The following MAGI3 variants were observed in gnomAD, a reference collection of about 807,000 sequenced individuals.
The protein encoded by MAGI3 is membrane associated guanylate kinase, WW and PDZ domain containing 3, also known as membrane-associated guanylate kinase, WW and PDZ domain-containing protein 3.
In MAGI3, 43 loss-of-function variants were observed where a neutral mutation model predicts 121.8. The ratio of observed to expected loss-of-function variants is 0.35; its 90% CI spans 0.28 to 0.46. MAGI3 has a LOEUF of 0.46. Ranked by LOEUF, MAGI3 falls within the 20% of genes least tolerant of loss-of-function variation. The pLI, the probability that MAGI3 is intolerant of heterozygous loss-of-function variation, is 1.00. For missense variants in MAGI3, 1,547 were observed against 1,797.3 expected (o/e 0.86, Z 2.52); for synonymous variants, 553 against 639.3 (o/e 0.86, Z 2.04).
intron 1 of MAGI3, among the ~76,000 whole-genome samples, chr1:113,410,520 A>G (rs751328614): frequency 5.7e-4 from 86 of 152,184 alleles, no homozygotes; most frequent in Non-Finnish European, 9.4e-4. Context: ...GATCTTGATA[A>G]TGTTACATTG....
intron 6 of MAGI3, among the ~76,000 whole-genome samples, chr1:113,601,140 C>T (rs1002159536): frequency 2.0e-5 from 3 of 151,838 alleles, no homozygotes; most frequent in Non-Finnish European, 4.4e-5. Flanking sequence ...TAGGCAATAC[C>T]ATTCAGGACA....
chr1:113,447,085 A>C (rs1246835508), intron 1 of MAGI3, among the ~76,000 whole-genome samples: 1 of 152,216 alleles, frequency 6.6e-6, no homozygotes, highest in African/African-American at 2.4e-5. Context: ...TGATGGTTGC[A>C]TGATGGTGTG....
intron 1 of MAGI3, among the ~76,000 whole-genome samples, chr1:113,490,488 T>C (rs1656615406): frequency 6.6e-6 from 1 of 151,956 alleles, no homozygotes; most frequent in Admixed American, 6.6e-5. Flanking sequence ...GTCTGAAAAA[T>C]AACCAGGGTC....
At chr1:113,636,285 G>C (rs1652015833) in intron 9 of MAGI3, among the ~76,000 whole-genome samples, 1 of 152,050 alleles carries the variant, frequency 6.6e-6, no homozygotes, top group Admixed American at 6.5e-5. Flanking sequence ...GAATGTGTTT[G>C]CTCTTGCTTT....
At chr1:113,681,064 G>A in intron 19 of MAGI3, 134 bp from the exon 20 acceptor site, 2 of 931,172 alleles carry the variant, frequency 2.1e-6, no homozygotes, top group Admixed American at 2.9e-5. Context: ...TCACATGGCA[G>A]TACTGGGTAC....
intron 1 of MAGI3, among the ~76,000 whole-genome samples, chr1:113,399,966 A>G (rs1189556930): frequency 6.6e-6 from 1 of 152,162 alleles, no homozygotes; most frequent in Non-Finnish European, 1.5e-5. Context: ...GGGCTCCCTA[A>G]TAATACTTTT....
chr1:113,425,927 A>G (rs1430183793), intron 1 of MAGI3, among the ~76,000 whole-genome samples: 1 of 151,138 alleles, frequency 6.6e-6, no homozygotes, highest in Non-Finnish European at 1.5e-5. Flanking sequence ...TTTTATCTTT[A>G]TTTCCTTTCT....
At chr1:113,413,557 G>A (rs1652124247) in intron 1 of MAGI3, among the ~76,000 whole-genome samples, 3 of 152,106 alleles carry the variant, frequency 2.0e-5, no homozygotes, top group Non-Finnish European at 2.9e-5. Flanking sequence ...ATTTCATCGA[G>A]CAGTGGTTTG....
intron 14 of MAGI3, among the ~76,000 whole-genome samples, chr1:113,652,678 A>G (rs1653239430): frequency 1.3e-5 from 2 of 152,216 alleles, no homozygotes; most frequent in African/African-American, 4.8e-5. Flanking sequence ...AAAGAAAAAA[A>G]CATATTCTTA....
At chr1:113,647,982 G>A (rs1287119559) in intron 12 of MAGI3, among the ~76,000 whole-genome samples, 2 of 151,400 alleles carry the variant, frequency 1.3e-5, no homozygotes, top group Non-Finnish European at 2.9e-5. Context: ...GAGTGCAGTG[G>A]CACAATCTCA....
At chr1:113,655,604 A>G (rs2100990851) in intron 15 of MAGI3, among the ~76,000 whole-genome samples, 1 of 152,152 alleles carries the variant, frequency 6.6e-6, no homozygotes, top group East Asian at 1.9e-4. Context: ...ATTTTTTACT[A>G]TTGTGATGGT....
At chr1:113,517,169 T>G (rs1032024581) in intron 1 of MAGI3, among the ~76,000 whole-genome samples, 2 of 151,910 alleles carry the variant, frequency 1.3e-5, no homozygotes, top group Admixed American at 6.6e-5. Flanking sequence ...AAATATAAAC[T>G]TTAGTCAATA....
chr1:113,471,463 G>T lies in MAGI3; in HGVS notation c.317-78052G>T, dbSNP rs149292348. 2.0e-5 allele frequency among the ~76,000 whole-genome samples: 3 copies of T among 152,234 alleles called. No homozygotes were observed. The East Asian group carries it at 5.8e-4, about 29-fold the overall frequency. On this transcript the variant is annotated intron_variant, in intron 1 of 20. Coordinates refer to ENST00000307546, the MANE Select transcript of MAGI3 (RefSeq NM_001142782.2). Reference sequence around the variant, plus strand: ...ATACCAAAACTTAAGGGATGCAGCAGAAGCCTTTCTAAAAGGGAAGTTCAT... The same window carrying T: ...ATACCAAAACTTAAGGGATGCAGCATAAGCCTTTCTAAAAGGGAAGTTCAT...
intron 9 of MAGI3, 63 bp downstream of exon 9, chr1:113,623,057 G>T: frequency 1.0e-6 from 1 of 993,018 alleles, no homozygotes; most frequent in South Asian, 2.5e-5. Flanking sequence ...ATAGTGAAGA[G>T]ATTTTATATA....
At chr1:113,555,209 AAG>A (rs1291987778) in intron 2 of MAGI3, among the ~76,000 whole-genome samples, 3 of 152,194 alleles carry the variant, frequency 2.0e-5, no homozygotes, top group African/African-American at 7.2e-5. Context: ...CAAAAAGTGA[AAG>A]AAGTTTTCAG....
At position 113,681,281 on chromosome 1, in the gene MAGI3, T is replaced by A. The variant is rs555454141; in HGVS notation, c.3273T>A (p.Gly1091=). ...GAGCAATTGAGCTCATTCAGGCTGG[T>A]GGAAATAAAGTTCTTCTTCTTTTGA... ...HTRAIELIQA[G]GNKVLLLLRP... The change falls in exon 20 of 21, where the codon GGT becomes GGA. Residue 1091 remains glycine, a synonymous_variant. Transcript: ENST00000307546. 3.8e-5 allele frequency: 62 copies of A among 1,614,118 alleles called. No homozygotes were observed. In the South Asian group the frequency reaches 6.1e-4, roughly 16 times the overall value.
chr1:113,415,767 T>C (rs1282478409), intron 1 of MAGI3, among the ~76,000 whole-genome samples: 1 of 152,020 alleles, frequency 6.6e-6, no homozygotes, highest in African/African-American at 2.4e-5. Context: ...TTTGTACTTC[T>C]TTTTAAGCTT....
intron 9 of MAGI3, among the ~76,000 whole-genome samples, chr1:113,625,411 C>T (rs910645432): frequency 6.6e-6 from 1 of 152,036 alleles, no homozygotes; most frequent in Non-Finnish European, 1.5e-5. Context: ...AGAGATCTTT[C>T]GCTTCTTTGG....
intron 1 of MAGI3, among the ~76,000 whole-genome samples, chr1:113,484,388 A>G (rs1656250277): frequency 6.6e-6 from 1 of 151,990 alleles, no homozygotes; most frequent in Non-Finnish European, 1.5e-5. Flanking sequence ...GTAGTCATTT[A>G]TCCCTTGCCA....
Sources: gnomAD v4.1 joint callset for allele counts (sites outside exome capture counted in the v4.1 genomes callset) on GRCh38, gnomAD v4.1.1 for gene constraint, MANE v1.5 for transcripts, NCBI Gene and HGNC (gene_info 2026-07-23, HGNC 2026-07-21) for gene names.